The following FREM1 variants were observed in gnomAD, a reference collection of about 807,000 sequenced individuals.
The protein encoded by FREM1 is FRAS1-related extracellular matrix protein 1.
In FREM1, 220 loss-of-function variants were observed where a neutral mutation model predicts 210.1. That is an observed-to-expected ratio of 1.05 (90% CI 0.94 to 1.17). The LOEUF is 1.17. FREM1 is among the 50% of genes most tolerant of loss of function. The pLI is 0.00. For missense variants in FREM1, 3,454 were observed against 2,675.5 expected (o/e 1.29, Z -6.42); for synonymous variants, 1,189 against 980.2 (o/e 1.21, Z -3.98).
chr9:14,769,773 C>G lies in FREM1; in HGVS notation c.5155G>C (p.Val1719Leu). The G allele has an allele frequency of 6.2e-7, 1 of 1,610,152 alleles. No individual in the cohort carries two copies. Among genetic ancestry groups the G allele is most frequent in the Non-Finnish European group, 8.5e-7 (1 of 1,176,988 alleles). Residue 1719 changes from valine to leucine, a missense_variant, in exon 27 of 37, where the codon GTG (valine) becomes CTG (leucine). Transcript: ENST00000380880. ...GTGGGGTCCATGATTTGAAATTCCA[C>G]GGTATCTGAATTTACTTCCAAAGAT... ...NPSLEVNSDT[V>L]EFQIMDPTGN...
At position 14,859,331 on chromosome 9, in the gene FREM1, G is replaced by T. The variant is rs540878376; in HGVS notation, c.483C>A (p.Phe161Leu). Residue 161 changes from phenylalanine (F) to leucine (L), a missense_variant, in exon 4 of 37, where the codon TTC becomes TTA. Transcript: ENST00000380880. The part of the protein sequence containing the change: ...SQAIDKNLLR[F>L]DYDRMASLEC... ...CCAGGCTAGCCATCCTATCATAATCGAATCTGAGCAGATTTTTATCAATCG... is the reference window on the plus strand; with the variant it reads ...CCAGGCTAGCCATCCTATCATAATCTAATCTGAGCAGATTTTTATCAATCG... The T allele has an allele frequency of 1.1e-5, 18 of 1,613,776 alleles. No individual in the cohort carries two copies. In the African/African-American group the frequency reaches 2.3e-4, roughly 20 times the overall value.
chr9:14,853,782 T>G (rs1449264355), intron 5 of FREM1, among the ~76,000 whole-genome samples: 19 of 152,216 alleles, frequency 1.2e-4, no homozygotes, highest in Admixed American at 1.2e-3. Context: ...GTTTAGAGTA[T>G]CTAATCTTCG....
At chr9:14,788,871 C>G in intron 23 of FREM1, 48 bp downstream of exon 23, 1 of 1,457,132 alleles carries the variant, frequency 6.9e-7, no homozygotes, top group Non-Finnish European at 9.4e-7. Flanking sequence ...AATACTTATA[C>G]CAGTTAGCAA....
intron 23 of FREM1, among the ~76,000 whole-genome samples, chr9:14,787,547 A>G (rs963755626): frequency 2.6e-5 from 4 of 152,130 alleles, no homozygotes; most frequent in Admixed American, 6.6e-5. Flanking sequence ...AGCCACTGGA[A>G]TGTGTACAAG....
intron 10 of FREM1, 82 bp from the exon 11 acceptor site, chr9:14,825,074 T>C: frequency 1.1e-6 from 1 of 900,066 alleles, no homozygotes. Flanking sequence ...CTAGTCACAG[T>C]TAAGATAATT....
chr9:14,874,523 G>T (rs1833327679), intron 1 of FREM1, among the ~76,000 whole-genome samples: 2 of 150,322 alleles, frequency 1.3e-5, no homozygotes, highest in Admixed American at 1.3e-4. Flanking sequence ...TTGCTTGGTA[G>T]ATCTTCCTCC....
rs377147206 is a variant in FREM1, at chr9:14,737,499, T to C, written c.6437A>G (p.Lys2146Arg). The C allele has an allele frequency of 5.6e-6, 9 of 1,613,560 alleles. No individual in the cohort carries two copies. Among genetic ancestry groups the C allele is most frequent in the Non-Finnish European group, 6.8e-6 (8 of 1,179,746 alleles). Residue 2146 changes from lysine (K) to arginine (R), a missense_variant, in exon 37 of 37, where the codon AAG becomes AGG. Physicochemically the swap from Lys to Arg is conservative, Grantham distance 26. Transcript: ENST00000380880. Reference protein sequence around the residue: ...NGRRGPSQRSKLGKSCVLVQR... With the variant: ...NGRRGPSQRSRLGKSCVLVQR... ...AACCAAAACACAGCTCTTTCCAAGC[T>C]TGGAGCGTTGAGAGGGCCCTCTTCT...
chr9:14,794,672 G>C (rs929942464), intron 21 of FREM1, among the ~76,000 whole-genome samples: 1 of 152,174 alleles, frequency 6.6e-6, no homozygotes, highest in Non-Finnish European at 1.5e-5. Flanking sequence ...TGGCGGGAAA[G>C]CCAAGAGTAA....
At chr9:14,863,749 C>T (rs1831001742) in intron 3 of FREM1, 60 bp downstream of exon 3, 1 of 1,003,834 alleles carries the variant, frequency 1.0e-6, no homozygotes, top group Middle Eastern at 2.0e-4. Flanking sequence ...AAGAAAAGCC[C>T]TCATAAGAAC....
chr9:14,777,209 C>A (rs150971047), intron 24 of FREM1, among the ~76,000 whole-genome samples: 2 of 152,298 alleles, frequency 1.3e-5, no homozygotes, highest in African/African-American at 4.8e-5. Flanking sequence ...TTTGTGATAT[C>A]TTAATGTGCT....
chr9:14,753,617 ACT>A (rs1397645215), intron 29 of FREM1, among the ~76,000 whole-genome samples: 1 of 152,066 alleles, frequency 6.6e-6, no homozygotes, highest in African/African-American at 2.4e-5. Context: ...TCGGTTTTTC[ACT>A]CTGTTTCTTC....
intron 1 of FREM1, among the ~76,000 whole-genome samples, chr9:14,890,796 G>A (rs1836681786): frequency 6.6e-6 from 1 of 152,074 alleles, no homozygotes; most frequent in Admixed American, 6.6e-5. Flanking sequence ...GATTGCAGAG[G>A]GAAAAAATGT....
chr9:14,890,429 T>A (rs1836600792), intron 1 of FREM1, among the ~76,000 whole-genome samples: 2 of 152,228 alleles, frequency 1.3e-5, no homozygotes, highest in Non-Finnish European at 2.9e-5. Flanking sequence ...AACGCTAAAA[T>A]CACCTTCTAA....
chr9:14,755,348 C>A (rs796252211), intron 29 of FREM1, among the ~76,000 whole-genome samples: 15 of 152,298 alleles, frequency 9.8e-5, no homozygotes, highest in African/African-American at 3.4e-4. Context: ...TGCCTTTGCT[C>A]AACTCTTTAT....
chr9:14,800,696 G>T (rs550069837), intron 20 of FREM1, among the ~76,000 whole-genome samples: 1 of 151,914 alleles, frequency 6.6e-6, no homozygotes, highest in Admixed American at 6.6e-5. Flanking sequence ...ATTTTTAATG[G>T]TAGTCTAAAA....
At chr9:14,874,393 GTTGAATTGATCCCTTTACCAT>G (rs1191437933) in intron 1 of FREM1, among the ~76,000 whole-genome samples, 44 of 150,296 alleles carry the variant, frequency 2.9e-4, no homozygotes, top group Non-Finnish European at 5.3e-4. Flanking sequence ...AGCTCTTCTT[GTTGAATTGATCCCTTTACCAT>G]TATGTAATGG....
chr9:14,792,610 G>T, intron 22 of FREM1, 133 bp downstream of exon 22: 1 of 641,142 alleles, frequency 1.6e-6, no homozygotes, highest in Non-Finnish European at 2.4e-6. Context: ...CCCTGAACTA[G>T]TAAAATTAAA....
chr9:14,850,975 A>G (rs562452865), intron 6 of FREM1, among the ~76,000 whole-genome samples: 1 of 152,234 alleles, frequency 6.6e-6, no homozygotes, highest in Non-Finnish European at 1.5e-5. Flanking sequence ...TTCTCTTGGC[A>G]CATGAGTGCT....
chr9:14,789,219 T>C (rs1850894743), intron 22 of FREM1, 105 bp from the exon 23 acceptor site: 3 of 661,574 alleles, frequency 4.5e-6, no homozygotes, highest in Non-Finnish European at 6.9e-6. Flanking sequence ...ATATAAATAA[T>C]ATTTCAGGGA....
Sources: allele counts gnomAD v4.1 joint callset (sites outside exome capture counted in the v4.1 genomes callset), GRCh38; gene constraint gnomAD v4.1.1; transcripts MANE v1.5; gene names NCBI Gene and HGNC (gene_info 2026-07-23, HGNC 2026-07-21).